The following ATG3 variants were observed in gnomAD, a reference collection of about 807,000 sequenced individuals.
ATG3 encodes the protein autophagy related 3.
ATG3 carries 25 observed loss-of-function variants against 50.7 expected under a neutral mutation model. That is an observed-to-expected ratio of 0.49 (90% CI 0.36 to 0.69). The LOEUF (loss-of-function observed/expected upper bound fraction) is 0.69, where lower values mean the gene tolerates loss of function less well. ATG3 is among the 30% of genes least tolerant of loss of function. The pLI is 0.00. For missense variants in ATG3, 281 were observed against 376.0 expected (o/e 0.75, Z 2.09); for synonymous variants, 119 against 125.5 (o/e 0.95, Z 0.34).
Position 112,561,863 on chromosome 3 carries a change from C to A in ATG3, c.-335G>T. The A allele has an allele frequency of 3.3e-6, 1 of 304,288 alleles. No homozygotes were observed. The highest frequency in any genetic ancestry group is 6.1e-6 in the Non-Finnish European group (1 of 162,774). 18.8% of individuals were successfully genotyped at this position (304,288 alleles called of 1,614,324 possible). ...ACACGCACCCCTCGCCCTCTGCGAG[C>A]TGTCTGTCCTCGCTTTGCTTCACTC... is the stretch of plus-strand genomic sequence containing the variant. On this transcript the variant is annotated 5_prime_UTR_variant, in exon 1 of 12. Coordinates refer to ENST00000283290, the MANE Select transcript of ATG3 (RefSeq NM_022488.5).
chr3:112,532,840 G>C lies in ATG3; in HGVS notation c.864-60C>G, dbSNP rs959526921. 10 of 1,476,618 alleles carry C rather than the reference G, an allele frequency of 6.8e-6. No individual in the cohort carries two copies. In the African/African-American group the frequency reaches 1.4e-4, roughly 21 times the overall value. The allele number at this position is 1,476,618 out of a possible 1,614,324, so 91.5% of individuals were successfully genotyped here. A position where few individuals can be genotyped will look rare whatever the true frequency, so the allele number is the denominator to read the frequency against. ...AAATAGTTCTATGTTTTAAGCCCAT[G>C]TTGTAATTATCCATTTTATTAAGCC... is the stretch of plus-strand genomic sequence containing the variant. On this transcript the variant is annotated intron_variant, in intron 11 of 11. Coordinates refer to ENST00000283290, the MANE Select transcript of ATG3 (RefSeq NM_022488.5).
chr3:112,548,038 A>C (rs1272854034), intron 5 of ATG3, among the ~76,000 whole-genome samples: 1 of 152,174 alleles, frequency 6.6e-6, no homozygotes, highest in Non-Finnish European at 1.5e-5. Context: ...ATTGCAATGG[A>C]AGTAGCAGGT....
intron 6 of ATG3, among the ~76,000 whole-genome samples, chr3:112,543,567 T>C (rs1217726963): frequency 6.6e-6 from 1 of 152,104 alleles, no homozygotes; most frequent in East Asian, 1.9e-4. Context: ...TTACCAGTAA[T>C]TGAAGAAAAT....
At chr3:112,559,642 G>C (rs890663102) in intron 1 of ATG3, among the ~76,000 whole-genome samples, 6 of 152,222 alleles carry the variant, frequency 3.9e-5, no homozygotes, top group African/African-American at 7.2e-5. Flanking sequence ...CATGCCATAA[G>C]GCTGTTAAGT....
At chr3:112,545,240 G>A (rs1286879588) in intron 5 of ATG3, among the ~76,000 whole-genome samples, 2 of 152,164 alleles carry the variant, frequency 1.3e-5, no homozygotes, top group Non-Finnish European at 2.9e-5. Context: ...CAATTCTCTT[G>A]CACTCTACGG....
intron 6 of ATG3, among the ~76,000 whole-genome samples, chr3:112,542,493 A>G (rs919554896): frequency 1.6e-4 from 25 of 152,184 alleles, no homozygotes; most frequent in Admixed American, 1.4e-3. Flanking sequence ...AGTCAACATA[A>G]TAAGTGGATA....
intron 3 of ATG3, 113 bp downstream of exon 3, chr3:112,553,167 G>C (rs1933574471): frequency 1.2e-6 from 1 of 848,082 alleles, no homozygotes; most frequent in Admixed American, 2.2e-5. Flanking sequence ...TCTGCTGGGG[G>C]GAAAGTTAAA....
At chr3:112,552,100 A>G (rs963221150) in intron 3 of ATG3, among the ~76,000 whole-genome samples, 4 of 152,186 alleles carry the variant, frequency 2.6e-5, no homozygotes, top group South Asian at 2.1e-4. Context: ...AAACTTATTA[A>G]TTATAGAATT....
intron 6 of ATG3, among the ~76,000 whole-genome samples, chr3:112,542,787 T>C (rs1482788494): frequency 1.3e-5 from 2 of 152,020 alleles, no homozygotes; most frequent in African/African-American, 4.8e-5. Context: ...GCAAGTATTC[T>C]AAGTTACAAA....
At chr3:112,551,785 AAATATAG>A (rs1933535539) in intron 3 of ATG3, among the ~76,000 whole-genome samples, 7 of 152,194 alleles carry the variant, frequency 4.6e-5, no homozygotes, top group African/African-American at 1.7e-4. Context: ...GAACCTAGCT[AAATATAG>A]TTTTAACAGA....
intron 10 of ATG3, chr3:112,535,572 C>T (rs969411966): frequency 1.3e-5 from 2 of 152,078 alleles, no homozygotes; most frequent in Non-Finnish European, 2.9e-5. Context: ...AAACTAATGG[C>T]TCCTAAATTA....
chr3:112,537,903 A>C lies in ATG3; in HGVS notation c.511-13T>G, dbSNP rs761789083. On this transcript the variant is annotated splice_polypyrimidine_tract_variant and intron_variant, in intron 8 of 11. Coordinates refer to ENST00000283290, the MANE Select transcript of ATG3 (RefSeq NM_022488.5). ...TATCTAGGGTAGCCTGAAAATAATA[A>C]AAGAGAAAAATTTACAACCATTAAA... is the stretch of plus-strand genomic sequence containing the variant. 7 of 1,580,688 alleles carry C rather than the reference A, an allele frequency of 4.4e-6. No homozygotes were observed. Among genetic ancestry groups the C allele is most frequent in the Non-Finnish European group, 3.4e-6 (4 of 1,164,828 alleles).
chr3:112,535,044 T>C (rs2107366384), intron 10 of ATG3: 1 of 152,304 alleles, frequency 6.6e-6, no homozygotes, highest in Non-Finnish European at 1.5e-5. Flanking sequence ...GTCCTATCTA[T>C]ACATCTTTTC....
intron 1 of ATG3, among the ~76,000 whole-genome samples, chr3:112,560,588 A>C (rs897353681): frequency 2.6e-5 from 4 of 152,216 alleles, no homozygotes; most frequent in African/African-American, 9.6e-5. Context: ...CTAGAAAAAA[A>C]AAACAAAAAC....
intron 5 of ATG3, among the ~76,000 whole-genome samples, chr3:112,545,198 G>T (rs568459930): frequency 6.6e-6 from 1 of 152,166 alleles, no homozygotes; most frequent in South Asian, 2.1e-4. Context: ...GATGAAATTG[G>T]GATTAAAATC....
rs980926881 is a variant in ATG3, at chr3:112,542,262, A to T, written c.394-378T>A. ...AAGGGGAAAAAGTGCACATATCTGT[A>T]AATCAAATATAAGCTAAAATATAAA... On this transcript the variant is annotated intron_variant, in intron 6 of 11. Coordinates refer to ENST00000283290, the MANE Select transcript of ATG3 (RefSeq NM_022488.5). 4.6e-5 allele frequency among the ~76,000 whole-genome samples: 7 copies of T among 152,190 alleles called. 1 individual carries two copies. The highest frequency in any genetic ancestry group is 4.6e-4 in the Admixed American group (7 of 15,288).
At position 112,561,796 on chromosome 3, in the gene ATG3, G is replaced by C. The variant is rs1299904840; in HGVS notation, c.-268C>G. 7 of 470,112 alleles carry C rather than the reference G, an allele frequency of 1.5e-5. No homozygotes were observed. The highest frequency in any genetic ancestry group is 1.9e-5 in the Non-Finnish European group (5 of 265,984). 29.1% of individuals were successfully genotyped at this position (470,112 alleles called of 1,614,324 possible). A position where few individuals can be genotyped will look rare whatever the true frequency, so the allele number is the denominator to read the frequency against. On this transcript the variant is annotated 5_prime_UTR_variant, in exon 1 of 12. Transcript: ENST00000283290. ...CAGCTGTCACCCAGCCGCGAGGGAG[G>C]GCAGCGGGGCCGAAGGGAGACCTGA...
At chr3:112,560,581 G>GA (rs534639165) in intron 1 of ATG3, among the ~76,000 whole-genome samples, 343 of 144,158 alleles carry the variant, frequency 2.4e-3, no homozygotes, top group African/African-American at 5.6e-3. Flanking sequence ...AAAACAACTA[G>GA]AAAAAAAAAA....
intron 5 of ATG3, among the ~76,000 whole-genome samples, chr3:112,547,979 CT>C (rs893516783): frequency 2.6e-5 from 4 of 151,992 alleles, no homozygotes; most frequent in African/African-American, 7.3e-5. Context: ...CTCTGACGGT[CT>C]TTTTTTTCCC....
Sources: allele counts gnomAD v4.1 joint callset (sites outside exome capture counted in the v4.1 genomes callset), GRCh38; gene constraint gnomAD v4.1.1; transcripts MANE v1.5; gene names NCBI Gene and HGNC (gene_info 2026-07-23, HGNC 2026-07-21).